Variants in PTPRC observed in about 807,000 individuals in gnomAD.
PTPRC encodes protein tyrosine phosphatase receptor type C, also known as receptor-type tyrosine-protein phosphatase C.
Under a neutral mutation model 155.9 loss-of-function variants are expected in PTPRC, and 44 were observed. That is an observed-to-expected ratio of 0.28 (90% CI 0.22 to 0.36). PTPRC has a LOEUF of 0.36. Ranked by LOEUF, PTPRC falls within the 10% of genes least tolerant of loss-of-function variation. The probability of loss-of-function intolerance (pLI) is 1.00; values close to 1 mark genes in which losing one functional copy is unlikely to be tolerated. For missense variants in PTPRC, 1,401 were observed against 1,564.6 expected (o/e 0.90, Z 1.76); for synonymous variants, 525 against 533.1 (o/e 0.98, Z 0.21).
intron 15 of PTPRC, among the ~76,000 whole-genome samples, chr1:198,724,004 A>G (rs1425333212): frequency 2.0e-5 from 3 of 152,170 alleles, no homozygotes; most frequent in African/African-American, 7.2e-5. Context: ...AGGACAATAG[A>G]GTTCACATAT....
chr1:198,742,037 C>T lies in PTPRC; in HGVS notation c.2561+11C>T, dbSNP rs375553789. ...TGTGGTGCACTGCAGGTAGGAAAAA[C>T]GAACAAAAAAAAAAAACAACAACAA... On this transcript the variant is annotated intron_variant, in intron 24 of 32. Coordinates refer to ENST00000442510, the MANE Select transcript of PTPRC (RefSeq NM_002838.5). 3.7e-5 allele frequency: 59 copies of T among 1,600,278 alleles called. No individual in the cohort carries two copies. The highest frequency in any genetic ancestry group is 5.2e-5 in the Admixed American group (3 of 58,050).
At chr1:198,681,588 C>T (rs1665330279) in intron 2 of PTPRC, among the ~76,000 whole-genome samples, 1 of 152,088 alleles carries the variant, frequency 6.6e-6, no homozygotes, top group Non-Finnish European at 1.5e-5. Context: ...GTTCTATTTA[C>T]AAATAAACAT....
intron 2 of PTPRC, among the ~76,000 whole-genome samples, chr1:198,658,453 A>G (rs1433745044): frequency 6.6e-6 from 1 of 152,198 alleles, no homozygotes; most frequent in Non-Finnish European, 1.5e-5. Context: ...CTCATGAAAG[A>G]CACAATGTAT....
rs1655666897 is a variant in PTPRC at position 198,756,407 on chromosome 1, A to AAAAC, written c.*229_*232dup. The AAAAC allele has an allele frequency of 1.5e-5, 9 of 583,172 alleles. No individual in the cohort carries two copies. The highest frequency in any genetic ancestry group is 2.7e-5 in the Non-Finnish European group (9 of 337,480). 36.1% of individuals were successfully genotyped at this position (583,172 alleles called of 1,614,324 possible). A position where few individuals can be genotyped will look rare whatever the true frequency, so the allele number is the denominator to read the frequency against. On this transcript the variant is annotated 3_prime_UTR_variant, in exon 33 of 33. Coordinates refer to ENST00000442510, the MANE Select transcript of PTPRC (RefSeq NM_002838.5). The stretch of plus-strand genomic sequence containing the variant: ...TAAAATTTTATCTCTTATTCAGTAA[A>AAAAC]AAACAACTTCTTTGTAATCGTTATG...
Position 198,757,006 on chromosome 1 carries a change from A to T in PTPRC, c.*825A>T, listed in dbSNP as rs1655710615. 6.6e-6 allele frequency: 1 copy of T among 151,964 alleles called. No homozygotes were observed. The highest frequency in any genetic ancestry group is 2.4e-5 in the African/African-American group (1 of 41,444). 9.4% of individuals were successfully genotyped at this position (151,964 alleles called of 1,614,324 possible). On this transcript the variant is annotated 3_prime_UTR_variant, in exon 33 of 33. Transcript: ENST00000442510. ...TTAAATAAATGTCATTAAAATAAAT[A>T]AATGCAATATGTATTAATATTCATT...
Position 198,735,179 on chromosome 1 carries a change from G to A in PTPRC, c.2330G>A (p.Gly777Glu), listed in dbSNP as rs754554765. Reference sequence around the variant, plus strand: ...ATGGAAGAGGGCACTCGGGCTTTTGGAGATGTTGTTGTAAAGATCAACCAG... The same window carrying A: ...ATGGAAGAGGGCACTCGGGCTTTTGAAGATGTTGTTGTAAAGATCAACCAG... ...PSMEEGTRAF[G>E]DVVVKINQHK... is the part of the protein sequence containing the mutation. The change falls in exon 23 of 33, where the codon GGA becomes GAA. Residue 777 changes from glycine to glutamate, a missense_variant. Coordinates refer to ENST00000442510, the MANE Select transcript of PTPRC (RefSeq NM_002838.5). 6.2e-7 allele frequency: 1 copy of A among 1,604,458 alleles called. No individual in the cohort carries two copies. Among genetic ancestry groups the A allele is most frequent in the South Asian group, 1.1e-5 (1 of 89,612 alleles).
intron 8 of PTPRC, among the ~76,000 whole-genome samples, chr1:198,706,211 T>C (rs1652955064): frequency 6.6e-6 from 1 of 152,230 alleles, no homozygotes; most frequent in Non-Finnish European, 1.5e-5. Flanking sequence ...GGAGGTATAT[T>C]ATCAATCATA....
intron 23 of PTPRC, 93 bp from the exon 24 acceptor site, chr1:198,741,776 G>A: frequency 7.9e-7 from 1 of 1,261,142 alleles, no homozygotes; most frequent in South Asian, 1.3e-5. Context: ...GTTTACACGA[G>A]GAGACTTTGT....
chr1:198,749,834 C>A (rs1254246985), intron 28 of PTPRC, among the ~76,000 whole-genome samples: 2 of 151,614 alleles, frequency 1.3e-5, no homozygotes, highest in African/African-American at 4.8e-5. Flanking sequence ...AAAATTTGAG[C>A]AAATACAAGT....
intron 23 of PTPRC, among the ~76,000 whole-genome samples, chr1:198,740,537 G>C (rs1255376358): frequency 6.6e-6 from 1 of 151,706 alleles, no homozygotes; most frequent in South Asian, 2.1e-4. Context: ...AGCCAAGATT[G>C]CATCATTACA....
chr1:198,731,046 T>G (rs1654360349), intron 17 of PTPRC, among the ~76,000 whole-genome samples: 1 of 152,138 alleles, frequency 6.6e-6, no homozygotes, highest in Admixed American at 6.6e-5. Flanking sequence ...GTTAGTATAC[T>G]TTTTAATCTT....
intron 2 of PTPRC, among the ~76,000 whole-genome samples, chr1:198,649,477 G>A (rs767533802): frequency 6.6e-6 from 1 of 151,872 alleles, no homozygotes. Flanking sequence ...AGGTCAGGGA[G>A]CTGATAAAAG....
At chr1:198,648,594 C>A (rs1663063633) in intron 2 of PTPRC, among the ~76,000 whole-genome samples, 1 of 151,806 alleles carries the variant, frequency 6.6e-6, no homozygotes, top group African/African-American at 2.4e-5. Context: ...CATGTAAGTT[C>A]ATTCACCTGA....
chr1:198,665,214 C>G (rs571226872), intron 2 of PTPRC, among the ~76,000 whole-genome samples: 1 of 150,518 alleles, frequency 6.6e-6, no homozygotes, highest in Non-Finnish European at 1.5e-5. Flanking sequence ...CTCAGCCTCC[C>G]GAGTAGGGGG....
chr1:198,703,173 C>A, intron 6 of PTPRC, 125 bp from the exon 7 acceptor site: 1 of 1,319,408 alleles, frequency 7.6e-7, no homozygotes, highest in South Asian at 1.2e-5. Context: ...AAGCGAATGT[C>A]AAATCAAACG....
chr1:198,684,152 A>G (rs1665492515), intron 2 of PTPRC, among the ~76,000 whole-genome samples: 1 of 151,486 alleles, frequency 6.6e-6, no homozygotes, highest in African/African-American at 2.4e-5. Context: ...TTAAGACAGA[A>G]AAAAAGCAGT....
chr1:198,719,804 T>C (rs1653794577), intron 14 of PTPRC, among the ~76,000 whole-genome samples: 1 of 152,066 alleles, frequency 6.6e-6, no homozygotes, highest in East Asian at 1.9e-4. Flanking sequence ...AGAGATAGGT[T>C]TTCACCATGT....
chr1:198,722,910 AC>A (rs1298019070), intron 15 of PTPRC, among the ~76,000 whole-genome samples: 2 of 151,826 alleles, frequency 1.3e-5, no homozygotes, highest in Non-Finnish European at 2.9e-5. Flanking sequence ...CTCCCTAATA[AC>A]AATATACTTA....
chr1:198,732,720 T>C (rs918455805), intron 20 of PTPRC, among the ~76,000 whole-genome samples, 164 bp downstream of exon 20: 1 of 151,954 alleles, frequency 6.6e-6, no homozygotes, highest in Non-Finnish European at 1.5e-5. Flanking sequence ...TTATTTATTA[T>C]GTGACTATTG....
Sources: gnomAD v4.1 joint callset for allele counts (sites outside exome capture counted in the v4.1 genomes callset) on GRCh38, gnomAD v4.1.1 for gene constraint, MANE v1.5 for transcripts, NCBI Gene and HGNC (gene_info 2026-07-23, HGNC 2026-07-21) for gene names.